The following ARR3 variants were observed in gnomAD, a reference collection of about 807,000 sequenced individuals.
ARR3 encodes arrestin 3.
In ARR3, 14 loss-of-function variants were observed where a neutral mutation model predicts 35.4. The observed-to-expected ratio is 0.40, with a 90% CI of 0.26 to 0.62. ARR3 has a LOEUF of 0.62. Among genes scored for constraint, ARR3 ranks in the 20% least tolerant of loss-of-function variants. ARR3 has a pLI of 0.46. For synonymous variants in ARR3, 97 were observed against 119.1 expected (o/e 0.81, Z 1.21); for missense variants, 259 against 303.8 (o/e 0.85, Z 1.10).
At chrX:70,278,236 G>C in intron 11 of ARR3, 98 bp downstream of exon 11, 3 of 823,492 alleles carry the variant, frequency 3.6e-6, no homozygotes, top group South Asian at 2.4e-5. Flanking sequence ...GGAGAAGAGT[G>C]GTGGAAGATT....
rs1250566991 is a variant in ARR3, at chrX:70,269,823, G to C, written c.40-20G>C. On this transcript the variant is annotated intron_variant, in intron 3 of 16. Transcript: ENST00000307959. Reference sequence around the variant, plus strand: ...TCAAAAATGATTGTGAGAATAACATGGGAAGTTGTTCCACAACAGCTCTCC... The same window carrying C: ...TCAAAAATGATTGTGAGAATAACATCGGAAGTTGTTCCACAACAGCTCTCC... The C allele has an allele frequency of 1.2e-5, 14 of 1,204,876 alleles. No homozygotes were observed. Among genetic ancestry groups the C allele is most frequent in the Non-Finnish European group, 1.6e-5 (14 of 891,724 alleles).
chrX:70,270,005 G>A, intron 4 of ARR3, 95 bp from the exon 5 acceptor site: 1 of 1,173,445 alleles, frequency 8.5e-7, no homozygotes, highest in Non-Finnish European at 1.2e-6. Flanking sequence ...GCAAATTAAA[G>A]GGAAGAATAG....
chrX:70,271,394 T>C (rs934690798), intron 5 of ARR3, among the ~76,000 whole-genome samples: 4 of 112,250 alleles, frequency 3.6e-5, no homozygotes, highest in Non-Finnish European at 7.5e-5. Context: ...TCTGTGAAGA[T>C]TGTCTTGTTT....
chrX:70,270,383 C>T (rs749975219), intron 5 of ARR3, among the ~76,000 whole-genome samples: 1 of 111,949 alleles, frequency 8.9e-6, no homozygotes, highest in South Asian at 3.8e-4. Context: ...ATTATGGTGC[C>T]CCCTTACCCA....
At chrX:70,268,519 A>C (rs1461129809) in intron 1 of ARR3, 147 bp downstream of exon 1, 2 of 111,248 alleles carry the variant, frequency 1.8e-5, no homozygotes, top group Admixed American at 1.9e-4. Flanking sequence ...CCCTCCAAAG[A>C]CCTCTGGAAG....
Position 70,278,172 on chromosome X carries a change from A to C in ARR3, c.767+34A>C, listed in dbSNP as rs531285603. ...GTGCTGGGGCTAGGACCAGAGAGCC[A>C]AGGGGTGGGGTGGTGGGAAGAGGTC... is the stretch of plus-strand genomic sequence containing the variant. On this transcript the variant is annotated intron_variant, in intron 11 of 16. Coordinates refer to ENST00000307959, the MANE Select transcript of ARR3 (RefSeq NM_004312.3). 2.5e-3 allele frequency: 2,896 copies of C among 1,158,301 alleles called. 37 individuals carry two copies. The South Asian group carries it at 0.049, about 20-fold the overall frequency.
At position 70,276,859 on chromosome X, in the gene ARR3, G is replaced by A. The variant is rs12388365; in HGVS notation, c.473+123G>A. 3,264 of 609,508 alleles carry A rather than the reference G, an allele frequency of 5.4e-3. 79 individuals are homozygous for A. In the African/African-American group the frequency reaches 0.065, roughly 12 times the overall value. 50.2% of individuals were successfully genotyped at this position (609,508 alleles called of 1,213,427 possible). A position where few individuals can be genotyped will look rare whatever the true frequency, so the allele number is the denominator to read the frequency against. On this transcript the variant is annotated intron_variant, in intron 8 of 16. Transcript: ENST00000307959. ...AGCCTCATCGCCACCAGTGACACCC[G>A]GTTCTGAGTCCCCTCTGACTTACCT...
In ARR3 at chrX:70,280,591, CTG is replaced by C. The variant is rs1232816219; in HGVS notation, c.1013+12_1013+13del. The C allele has an allele frequency of 5.0e-6, 6 of 1,200,464 alleles. No homozygotes were observed. The highest frequency in any genetic ancestry group is 6.7e-6 in the Non-Finnish European group (6 of 890,700). Reference sequence around the variant, plus strand: ...GGAGACCTGACAGCCAGGTGAGAGACTGTGGGGTGGGGGAACTTGGGCAAGAA... The same window carrying C: ...GGAGACCTGACAGCCAGGTGAGAGACTGGGGTGGGGGAACTTGGGCAAGAA... On this transcript the variant is annotated intron_variant, in intron 14 of 16. Coordinates refer to ENST00000307959, the MANE Select transcript of ARR3 (RefSeq NM_004312.3).
intron 3 of ARR3, 48 bp downstream of exon 3, chrX:70,269,740 G>C (rs370520229): frequency 6.7e-6 from 8 of 1,194,900 alleles, no homozygotes; most frequent in Non-Finnish European, 7.9e-6. Context: ...AAAAGGGATA[G>C]GTGGGTACAT....
intron 5 of ARR3, among the ~76,000 whole-genome samples, chrX:70,274,199 C>CTTT (rs200481457): frequency 1.7e-4 from 15 of 90,801 alleles, no homozygotes; most frequent in African/African-American, 4.3e-4. Context: ...TGTTCAGTAG[C>CTTT]TTTTTTTTTT....
intron 3 of ARR3, 34 bp downstream of exon 3, chrX:70,269,726 G>A (rs750506444): frequency 5.8e-6 from 7 of 1,199,562 alleles, no homozygotes. Flanking sequence ...GCAAATGAGA[G>A]GGCAAAAGGG....
chrX:70,273,214 CTTTTTTTTTTTTTT>C (rs59650423), intron 5 of ARR3, among the ~76,000 whole-genome samples: 2 of 41,626 alleles, frequency 4.8e-5, no homozygotes, highest in Non-Finnish European at 7.9e-5. Flanking sequence ...GAAAGGATTC[CTTTTTTTTTTTTTT>C]TTTTTTTTTT....
At chrX:70,269,111 G>T (rs1259526887) in intron 1 of ARR3, among the ~76,000 whole-genome samples, 2 of 111,978 alleles carry the variant, frequency 1.8e-5, no homozygotes, top group African/African-American at 6.5e-5. Context: ...AGAATACATA[G>T]TATGGTTAGT....
chrX:70,269,238 G>C lies in ARR3; in HGVS notation c.-30-118G>C, dbSNP rs140047519. On this transcript the variant is annotated intron_variant, in intron 1 of 16. Transcript: ENST00000307959. ...AATAGGAGGTACTTGATGTGGGTGA[G>C]GTGTCTGTCTAAGGAGGAAAGGTTA... The C allele has an allele frequency of 4.9e-3, 3,235 of 660,362 alleles. 79 individuals are homozygous for C. The African/African-American group carries it at 0.065, about 13-fold the overall frequency. The allele number at this position is 660,362 out of a possible 1,213,427, so 54.4% of individuals were successfully genotyped here.
intron 16 of ARR3, 39 bp from the exon 17 acceptor site, chrX:70,281,637 G>T: frequency 9.2e-7 from 1 of 1,091,445 alleles, no homozygotes. Context: ...CCCAGAAAGG[G>T]GTTCCTAACC....
At chrX:70,268,410 A>G (rs1478825308) in intron 1 of ARR3, 38 bp downstream of exon 1, 16 of 111,315 alleles carry the variant, frequency 1.4e-4, no homozygotes, top group Admixed American at 9.5e-5. Context: ...GCCCATACTA[A>G]GCCCTATATC....
In ARR3 at chrX:70,280,570, A is replaced by T. The variant is rs2085675860; in HGVS notation, c.1001A>T (p.Asp334Val). 1 of 1,202,322 alleles carries T rather than the reference A, an allele frequency of 8.3e-7. No homozygotes were observed. ...CATTCTACCCACAGCATCCTAGGAG[A>T]CCTGACAGCCAGGTGAGAGACTGTG... ...LMVSCGGILG[D>V]LTASDVGVEL... Residue 334 changes from aspartate to valine, a missense_variant, in exon 14 of 17, where the codon GAC becomes GTC. Asp to Val is a radical substitution (Grantham distance 152, BLOSUM62 -3). Transcript: ENST00000307959.
chrX:70,281,006 G>GC lies in ARR3; in HGVS notation c.1067-93_1067-92insC, dbSNP rs1207126393. The GC allele has an allele frequency of 2.5e-5, 24 of 968,560 alleles. No individual in the cohort carries two copies. The Middle Eastern group carries it at 8.7e-4, about 35-fold the overall frequency. 79.8% of individuals were successfully genotyped at this position (968,560 alleles called of 1,213,427 possible). ...TGGAGCAAAGGATTGGGAAGTTGGG[G>GC]GGGGGGGAAGTAAAGATACTTCTTC... On this transcript the variant is annotated intron_variant, in intron 15 of 16. Coordinates refer to ENST00000307959, the MANE Select transcript of ARR3 (RefSeq NM_004312.3).
chrX:70,273,362 C>A (rs1340791503), intron 5 of ARR3, among the ~76,000 whole-genome samples: 1 of 108,979 alleles, frequency 9.2e-6, no homozygotes, highest in Non-Finnish European at 1.9e-5. Context: ...GCTAGGATTA[C>A]AGGTGCCCAC....
Sources: allele counts gnomAD v4.1 joint callset (sites outside exome capture counted in the v4.1 genomes callset), GRCh38; gene constraint gnomAD v4.1.1; transcripts MANE v1.5; gene names NCBI Gene and HGNC (gene_info 2026-07-23, HGNC 2026-07-21).